The following LYPLA1 variants were observed in gnomAD, a reference collection of about 807,000 sequenced individuals.
LYPLA1 encodes acyl-protein thioesterase 1.
LYPLA1 carries 17 observed loss-of-function variants against 34.0 expected under a neutral mutation model. The observed-to-expected ratio is 0.50, with a 90% CI of 0.34 to 0.75. The LOEUF (loss-of-function observed/expected upper bound fraction) is 0.75. Among genes scored for constraint, LYPLA1 ranks in the 30% least tolerant of loss-of-function variants. The pLI is 0.01. For synonymous variants in LYPLA1, 98 were observed against 100.8 expected (o/e 0.97, Z 0.17); for missense variants, 203 against 288.8 (o/e 0.70, Z 2.15).
At chr8:54,089,222 A>G (rs1001283853) in intron 2 of LYPLA1, among the ~76,000 whole-genome samples, 29 of 152,220 alleles carry the variant, frequency 1.9e-4, no homozygotes, top group Admixed American at 9.8e-4. Flanking sequence ...TTATATCTCT[A>G]TAAGTACAGT....
intron 2 of LYPLA1, among the ~76,000 whole-genome samples, chr8:54,075,892 T>C (rs555962664): frequency 1.6e-4 from 25 of 152,112 alleles, no homozygotes; most frequent in South Asian, 2.1e-4. Context: ...CAGGCAGAGG[T>C]GCGGCACAAT....
At chr8:54,055,218 G>T in intron 5 of LYPLA1, 85 bp from the exon 6 acceptor site, 1 of 728,750 alleles carries the variant, frequency 1.4e-6, no homozygotes, top group Non-Finnish European at 2.3e-6. Context: ...ATTAGTAATA[G>T]AAAAGCGCAA....
intron 5 of LYPLA1, among the ~76,000 whole-genome samples, chr8:54,057,614 T>C (rs758502923): frequency 6.6e-6 from 1 of 152,092 alleles, no homozygotes; most frequent in African/African-American, 2.4e-5. Flanking sequence ...TAAAACTAAC[T>C]GAACTAACAG....
intron 5 of LYPLA1, among the ~76,000 whole-genome samples, chr8:54,060,452 G>A (rs189431229): frequency 2.6e-5 from 4 of 151,946 alleles, no homozygotes; most frequent in East Asian, 1.9e-4. Context: ...AAATAGACAC[G>A]TCCCAGTAAG....
At chr8:54,051,861 T>C in intron 7 of LYPLA1, among the ~76,000 whole-genome samples, 1 of 149,962 alleles carries the variant, frequency 6.7e-6, no homozygotes, top group Non-Finnish European at 1.5e-5. Context: ...TTTTTTTTTT[T>C]TCCCCCAAAG....
intron 2 of LYPLA1, among the ~76,000 whole-genome samples, chr8:54,080,847 C>G (rs530102059): frequency 6.6e-6 from 1 of 152,344 alleles, no homozygotes; most frequent in South Asian, 2.1e-4. Flanking sequence ...CTTGGCCTCC[C>G]AAAGTGTTGG....
chr8:54,073,524 T>C (rs1265870125), intron 2 of LYPLA1: 1 of 687,342 alleles, frequency 1.5e-6, no homozygotes, highest in Non-Finnish European at 2.7e-6. Context: ...ACACTGCCAC[T>C]TCTATGCCAG....
At chr8:54,067,029 C>T (rs560885301) in intron 2 of LYPLA1, among the ~76,000 whole-genome samples, 1 of 151,316 alleles carries the variant, frequency 6.6e-6, no homozygotes, top group South Asian at 2.1e-4. Context: ...ACTAGCTGGG[C>T]GTTTTTGTGC....
chr8:54,057,754 G>T (rs1281811766), intron 5 of LYPLA1, among the ~76,000 whole-genome samples: 12 of 152,140 alleles, frequency 7.9e-5, no homozygotes, highest in Admixed American at 7.9e-4. Flanking sequence ...ACAATAGGGT[G>T]ACTATAGTCA....
chr8:54,068,938 T>C (rs1367244485), intron 2 of LYPLA1, among the ~76,000 whole-genome samples: 1 of 152,034 alleles, frequency 6.6e-6, no homozygotes, highest in Non-Finnish European at 1.5e-5. Context: ...GTGTCTAGTA[T>C]CCATAATAAA....
chr8:54,081,551 G>T (rs1248251973), intron 2 of LYPLA1, among the ~76,000 whole-genome samples: 4 of 151,874 alleles, frequency 2.6e-5, no homozygotes, highest in African/African-American at 9.7e-5. Context: ...GGGTTTAAGC[G>T]ATTCTCCTAC....
intron 5 of LYPLA1, among the ~76,000 whole-genome samples, chr8:54,058,500 C>A (rs777904718): frequency 6.6e-6 from 1 of 152,074 alleles, no homozygotes; most frequent in Non-Finnish European, 1.5e-5. Context: ...GCTGAGATTG[C>A]GCCACTGCAC....
At chr8:54,048,264 A>G in intron 8 of LYPLA1, 146 bp from the exon 9 acceptor site, 1 of 596,252 alleles carries the variant, frequency 1.7e-6, no homozygotes, top group East Asian at 2.8e-5. Flanking sequence ...AAGAGAAATG[A>G]GGCTCCAACA....
intron 2 of LYPLA1, among the ~76,000 whole-genome samples, chr8:54,087,051 G>GA (rs1302592456): frequency 6.6e-6 from 1 of 152,120 alleles, no homozygotes. Flanking sequence ...AAACTGGCAA[G>GA]ATAAATGGCA....
At chr8:54,057,238 G>A (rs990800507) in intron 5 of LYPLA1, among the ~76,000 whole-genome samples, 26 of 152,038 alleles carry the variant, frequency 1.7e-4, no homozygotes, top group African/African-American at 6.3e-4. Context: ...ATATGAACCA[G>A]CAATCCCACT....
rs1806682351 is a variant in LYPLA1 at position 54,062,149 on chromosome 8, TGCCCG to T, written c.286+100_286+104del. 57 of 787,516 alleles carry T rather than the reference TGCCCG, an allele frequency of 7.2e-5. No individual in the cohort carries two copies. In the South Asian group the frequency reaches 9.1e-4, roughly 13 times the overall value. The allele number at this position is 787,516 out of a possible 1,614,324, so 48.8% of individuals were successfully genotyped here. A position where few individuals can be genotyped will look rare whatever the true frequency, so the allele number is the denominator to read the frequency against. ...CTGGGATTACAGGCGTGAGCCACCG[TGCCCG>T]GCCCAAATGTGTAATTTTTAACCAG... On this transcript the variant is annotated intron_variant, in intron 5 of 8. Coordinates refer to ENST00000316963, the MANE Select transcript of LYPLA1 (RefSeq NM_006330.4).
intron 8 of LYPLA1, among the ~76,000 whole-genome samples, chr8:54,048,513 T>C (rs952281744): frequency 1.3e-5 from 2 of 152,198 alleles, no homozygotes; most frequent in African/African-American, 4.8e-5. Flanking sequence ...GCTAAATCCA[T>C]AGCATTAACT....
At chr8:54,044,502 T>C (rs1374742926), downstream of LYPLA1, among the ~76,000 whole-genome samples, 2 of 152,160 alleles carry the variant, frequency 1.3e-5, no homozygotes, top group East Asian at 1.9e-4. Flanking sequence ...TGAAAAAGTT[T>C]TGAGGGATGA....
intron 2 of LYPLA1, among the ~76,000 whole-genome samples, chr8:54,070,461 T>C (rs1363777532): frequency 6.6e-6 from 1 of 152,178 alleles, no homozygotes; most frequent in Non-Finnish European, 1.5e-5. Flanking sequence ...TGGTGGCTCA[T>C]ACGGTAATCC....
Sources: gnomAD v4.1 joint callset for allele counts (sites outside exome capture counted in the v4.1 genomes callset) on GRCh38, gnomAD v4.1.1 for gene constraint, MANE v1.5 for transcripts, NCBI Gene and HGNC (gene_info 2026-07-23, HGNC 2026-07-21) for gene names.